The following UMOD variants were observed in gnomAD, a reference collection of about 807,000 sequenced individuals.
UMOD encodes the protein Tamm-Horsfall urinary glycoprotein.
A neutral mutation model predicts 66.0 loss-of-function variants in UMOD; 64 were observed. That is an observed-to-expected ratio of 0.97 (90% CI 0.79 to 1.19). UMOD has a LOEUF of 1.19. UMOD is among the 50% of genes most tolerant of loss of function. The pLI is 0.00. For synonymous variants in UMOD, 398 were observed against 352.7 expected, an observed-to-expected ratio of 1.13 and a Z score of -1.44; for missense variants, 764 against 850.9, an observed-to-expected ratio of 0.90 and a Z score of 1.27.
In UMOD at chr16:20,336,829, C is replaced by T. The variant is rs939720886; in HGVS notation, c.1741-102G>A. 1.9e-5 allele frequency: 20 copies of T among 1,071,194 alleles called. No individual in the cohort carries two copies. In the East Asian group the frequency reaches 3.0e-4, roughly 16 times the overall value. 66.4% of individuals were successfully genotyped at this position (1,071,194 alleles called of 1,614,324 possible). On this transcript the variant is annotated intron_variant, in intron 8 of 10. Coordinates refer to ENST00000396138, the MANE Select transcript of UMOD (RefSeq NM_003361.4). ...CCACCTCACAGGTGCCTTCCCTTGC[C>T]CCAGGCAGAAGTTGTTAGGAGACCT...
Position 20,349,040 on chromosome 16 carries a change from T to A in UMOD, c.261A>T (p.Pro87=). The A allele has an allele frequency of 6.2e-7, 1 of 1,600,470 alleles. No individual in the cohort carries two copies. Among genetic ancestry groups the A allele is most frequent in the Non-Finnish European group, 8.5e-7 (1 of 1,173,686 alleles). The change falls in exon 3 of 11, where the codon CCA becomes CCT. Residue 87 remains proline, a synonymous_variant. Coordinates refer to ENST00000396138, the MANE Select transcript of UMOD (RefSeq NM_003361.4). ...CGGGGCAGACGCAGGAGAAGGAGCC[T>A]GGCGTGTTTACGCAGCTGCTGTTGG... ...CSANSSCVNT[P]GSFSCVCPEG... is the part of the protein sequence containing the mutation.
chr16:20,345,400 T>TTTTCTTTCTTTC (rs797021829), intron 5 of UMOD, among the ~76,000 whole-genome samples: 7,663 of 76,714 alleles, frequency 0.1, 399 homozygotes, highest in Non-Finnish European at 0.16. Context: ...TTTTCTTTTT[T>TTTTCTTTCTTTC]TTTCTTTCTT....
intron 5 of UMOD, 85 bp from the exon 6 acceptor site, chr16:20,344,257 G>A: frequency 7.3e-7 from 1 of 1,373,606 alleles, no homozygotes; most frequent in East Asian, 2.3e-5. Context: ...AGCTAAATCT[G>A]CTGGTCTCAT....
intron 5 of UMOD, among the ~76,000 whole-genome samples, chr16:20,344,517 C>G (rs1388485472): frequency 6.6e-6 from 1 of 151,140 alleles, no homozygotes; most frequent in Middle Eastern, 3.2e-3. Context: ...ACAGGAGAAT[C>G]GCTTGAACCC....
rs1186213929 is a variant in UMOD, at chr16:20,348,601, T to A, written c.700A>T (p.Thr234Ser). The A allele has an allele frequency of 6.3e-7, 1 of 1,590,198 alleles. No individual in the cohort carries two copies. Among genetic ancestry groups the A allele is most frequent in the African/African-American group, 1.3e-5 (1 of 74,628 alleles). Residue 234 changes from threonine to serine, a missense_variant, in exon 3 of 11, where the codon ACG becomes TCG. Thr to Ser is a moderately conservative substitution (Grantham distance 58). Transcript: ENST00000396138. Reference sequence around the variant, plus strand: ...ATGCCCTCGTCGCTGGACGGATGCGTGCCATTGAGCCACATGGGGGCGGCC... The same window carrying A: ...ATGCCCTCGTCGCTGGACGGATGCGAGCCATTGAGCCACATGGGGGCGGCC... ...NTAAPMWLNG[T>S]HPSSDEGIVS...
upstream of UMOD, among the ~76,000 whole-genome samples, chr16:20,355,679 C>G (rs1317960423): frequency 2.0e-5 from 3 of 152,252 alleles, no homozygotes; most frequent in African/African-American, 7.2e-5. Context: ...GGATTACAGA[C>G]ATGAGCCACC....
chr16:20,351,723 G>C (rs954478544), intron 1 of UMOD, among the ~76,000 whole-genome samples: 1 of 152,208 alleles, frequency 6.6e-6, no homozygotes, highest in East Asian at 1.9e-4. Flanking sequence ...TGTACTAAAA[G>C]AAAAACATTT....
intron 6 of UMOD, among the ~76,000 whole-genome samples, chr16:20,342,997 G>T (rs1965321629): frequency 6.6e-6 from 1 of 152,158 alleles, no homozygotes; most frequent in Non-Finnish European, 1.5e-5. Context: ...GGGTGTGGTG[G>T]TGGGCACCTA....
At chr16:20,345,502 CCCTTCCTTCCTTCCTT>C (rs1228147595) in intron 5 of UMOD, among the ~76,000 whole-genome samples, 2 of 53,052 alleles carry the variant, frequency 3.8e-5, no homozygotes, top group East Asian at 6.9e-4. Flanking sequence ...CTCCCTCCCT[CCCTTCCTTCCTTCCTT>C]CCTTCCTTCC....
intron 6 of UMOD, among the ~76,000 whole-genome samples, chr16:20,342,895 C>A (rs903964655): frequency 6.6e-6 from 1 of 151,998 alleles, no homozygotes; most frequent in African/African-American, 2.4e-5. Context: ...TTTGGGAGGC[C>A]GAGGTGGGTG....
At position 20,333,567 on chromosome 16, in the gene UMOD, C is replaced by T. The variant is rs77999388; in HGVS notation, c.1862-192G>A. Among the ~76,000 whole-genome samples the T allele has an allele frequency of 0.017, 2,602 of 152,260 alleles. 71 individuals are homozygous for T. The highest frequency in any genetic ancestry group is 0.059 in the African/African-American group (2,462 of 41,550). On this transcript the variant is annotated intron_variant, in intron 10 of 10. Coordinates refer to ENST00000396138, the MANE Select transcript of UMOD (RefSeq NM_003361.4). ...GATTTGAAAAAGATAATCTTTCCTC[C>T]GGCACTAGGCTTGGTACCTCCTCAA...
At chr16:20,339,606 C>T (rs185588862) in intron 7 of UMOD, among the ~76,000 whole-genome samples, 3 of 152,322 alleles carry the variant, frequency 2.0e-5, no homozygotes, top group Admixed American at 1.3e-4. Context: ...TGAAAATATT[C>T]CCTTGGTGTA....
chr16:20,333,453 G>T, intron 10 of UMOD, 78 bp from the exon 11 acceptor site: 2 of 1,382,968 alleles, frequency 1.4e-6, no homozygotes, highest in Non-Finnish European at 1.0e-6. Flanking sequence ...GCCTCGTCTA[G>T]GCTGACCAAT....
In UMOD at chr16:20,333,097, G is replaced by A. The variant is rs1320238420; in HGVS notation, c.*217C>T. On this transcript the variant is annotated 3_prime_UTR_variant, in exon 11 of 11. Transcript: ENST00000396138. ...TTGCCACACTCTTTAAGGAGATGGG[G>A]GCCTCAGGTACACCGTCACAAGTCC... The A allele has an allele frequency of 8.6e-6, 5 of 583,318 alleles. No homozygotes were observed. Among genetic ancestry groups the A allele is most frequent in the African/African-American group, 7.5e-5 (4 of 53,114 alleles). 36.1% of individuals were successfully genotyped at this position (583,318 alleles called of 1,614,324 possible).
Position 20,341,244 on chromosome 16 carries a change from G to T in UMOD, c.1424C>A (p.Ser475Tyr). The change falls in exon 7 of 11, where the codon TCC becomes TAC. Residue 475 changes from serine to tyrosine, a missense_variant. By Grantham distance (144) the Ser-to-Tyr change is moderately radical. Transcript: ENST00000396138. ...TPSYTQPYQG[S>Y]SVTLSTEAFL... is the part of the protein sequence containing the mutation. ...AGCCTCAGTGGACAGTGTCACGGAG[G>T]AGCCTTGGTAGGGCTGCGTGTAGGA... is the stretch of plus-strand genomic sequence containing the variant. The T allele has an allele frequency of 6.2e-7, 1 of 1,614,138 alleles. No homozygotes were observed. Among genetic ancestry groups the T allele is most frequent in the Non-Finnish European group, 8.5e-7 (1 of 1,180,028 alleles).
At chr16:20,348,185 G>A (rs773058565) in intron 4 of UMOD, 38 bp downstream of exon 4, 2 of 1,581,984 alleles carry the variant, frequency 1.3e-6, no homozygotes, top group Non-Finnish European at 1.7e-6. Flanking sequence ...GGCAGTGACA[G>A]GTTTCTCAAC....
Position 20,337,441 on chromosome 16 carries a change from AGT to A in UMOD, c.1588_1589del (p.Thr530Ter), listed in dbSNP as rs1029064502. ...YFIIQDRCPHTRDSTIQVVEN... is the reference protein window; with the variant it reads ...YFIIQDRCPHXRDSTIQVVEN... ...CCACCACTTGGATAGTTGAGTCTCT[AGT>A]GTGTGGGCATCTGGGAGGGTTACAC... is the stretch of plus-strand genomic sequence containing the variant. On this transcript the variant is annotated frameshift_variant, in exon 8 of 11. Transcript: ENST00000396138. LOFTEE classifies it high-confidence loss of function. 3 of 1,614,128 alleles carry A rather than the reference AGT, an allele frequency of 1.9e-6. No homozygotes were observed. The Admixed American group carries it at 5.0e-5, about 27-fold the overall frequency.
rs1488578843 is a variant in UMOD at position 20,349,213 on chromosome 16, C to T, written c.89-1G>A. 1 of 1,612,932 alleles carries T rather than the reference C, an allele frequency of 6.2e-7. No homozygotes were observed. The highest frequency in any genetic ancestry group is 1.7e-5 in the Admixed American group (1 of 59,996). On this transcript the variant is annotated splice_acceptor_variant, in intron 2 of 10. Transcript: ENST00000396138. LOFTEE classifies it high-confidence loss of function. ...TTGCTGTGACATTCAGAGCACCATCCTGTGGACAGAAAAGCCCAGCTTCAG... is the reference window on the plus strand; with the variant it reads ...TTGCTGTGACATTCAGAGCACCATCTTGTGGACAGAAAAGCCCAGCTTCAG...
At chr16:20,339,028 T>C (rs1404959444) in intron 7 of UMOD, among the ~76,000 whole-genome samples, 2 of 152,262 alleles carry the variant, frequency 1.3e-5, no homozygotes, top group Non-Finnish European at 2.9e-5. Context: ...CCCAAAGTGC[T>C]GGGATTACAG....
Sources: allele counts gnomAD v4.1 joint callset (sites outside exome capture counted in the v4.1 genomes callset), GRCh38; gene constraint gnomAD v4.1.1; transcripts MANE v1.5; gene names NCBI Gene and HGNC (gene_info 2026-07-23, HGNC 2026-07-21).